Variants in RAPGEF5 observed in about 807,000 individuals in gnomAD.
RAPGEF5 encodes the protein M-Ras-regulated GEF.
A neutral mutation model predicts 125.2 loss-of-function variants in RAPGEF5; 65 were observed. The observed-to-expected ratio is 0.52, with a 90% CI of 0.43 to 0.64. The LOEUF (loss-of-function observed/expected upper bound fraction) is 0.64, where lower values mean the gene tolerates loss of function less well. RAPGEF5 is among the 30% of genes least tolerant of loss of function. The pLI is 0.00. For missense variants in RAPGEF5, 958 were observed against 1,048.1 expected, an observed-to-expected ratio of 0.91 and a Z score of 1.19; for synonymous variants, 391 against 385.9, an observed-to-expected ratio of 1.01 and a Z score of -0.16.
intron 5 of RAPGEF5, among the ~76,000 whole-genome samples, chr7:22,300,885 A>G (rs1783181997): frequency 6.6e-6 from 1 of 152,210 alleles, no homozygotes; most frequent in Non-Finnish European, 1.5e-5. Context: ...TCAAAACTAC[A>G]GGGACCCATT....
In RAPGEF5 at chr7:22,141,379, C is replaced by G. The variant is rs1583403197; in HGVS notation, c.2187-1264G>C. ...CAAACCGCTGTCTCCTAAAGCTATA[C>G]TGATTCCCAGCTGCATACATAGTGT... On this transcript the variant is annotated intron_variant, in intron 20 of 25. Coordinates refer to ENST00000665637, the MANE Select transcript of RAPGEF5 (RefSeq NM_012294.5). 2.6e-5 allele frequency among the ~76,000 whole-genome samples: 4 copies of G among 152,310 alleles called. No individual in the cohort carries two copies. The South Asian group carries it at 8.3e-4, about 32-fold the overall frequency.
chr7:22,121,326 G>C lies in RAPGEF5; in HGVS notation c.*1080C>G, dbSNP rs1782577317. 6.6e-6 allele frequency: 1 copy of C among 151,696 alleles called. No individual in the cohort carries two copies. The highest frequency in any genetic ancestry group is 2.1e-4 in the South Asian group (1 of 4,804). 9.4% of individuals were successfully genotyped at this position (151,696 alleles called of 1,614,324 possible). ...GTTGCCAACATTAATCAGACATTTG[G>C]CTATTTCAGGGCATTTTTCATTTGC... On this transcript the variant is annotated 3_prime_UTR_variant, in exon 26 of 26. Transcript: ENST00000665637.
intron 1 of RAPGEF5, among the ~76,000 whole-genome samples, chr7:22,335,627 G>GGGA (rs947208056): frequency 4.6e-5 from 7 of 151,172 alleles, no homozygotes; most frequent in African/African-American, 1.7e-4. Context: ...CTAGGGTGGG[G>GGGA]GGACACACAG....
chr7:22,194,265 TA>T (rs1471558471), intron 9 of RAPGEF5, among the ~76,000 whole-genome samples: 1 of 152,290 alleles, frequency 6.6e-6, no homozygotes, highest in African/African-American at 2.4e-5. Context: ...ATAAATACTT[TA>T]AAGGAAATAG....
At chr7:22,184,105 A>G (rs1784757958) in intron 11 of RAPGEF5, among the ~76,000 whole-genome samples, 1 of 152,224 alleles carries the variant, frequency 6.6e-6, no homozygotes, top group Non-Finnish European at 1.5e-5. Flanking sequence ...CAAAAGCCAC[A>G]TCTGCGAAGC....
chr7:22,126,378 G>A (rs1021330490), intron 24 of RAPGEF5, among the ~76,000 whole-genome samples: 2 of 152,220 alleles, frequency 1.3e-5, no homozygotes, highest in South Asian at 2.1e-4. Flanking sequence ...ACTGCTCTTC[G>A]TACAGCACCT....
chr7:22,320,136 A>G (rs184407830), intron 1 of RAPGEF5, among the ~76,000 whole-genome samples: 4 of 152,284 alleles, frequency 2.6e-5, no homozygotes, highest in Non-Finnish European at 5.9e-5. Flanking sequence ...ACAGGACACA[A>G]TTCCTAGGTT....
intron 7 of RAPGEF5, among the ~76,000 whole-genome samples, chr7:22,258,496 T>G (rs567752829): frequency 1.6e-3 from 237 of 151,998 alleles, no homozygotes; most frequent in African/African-American, 5.5e-3. Flanking sequence ...GGCACCTGCA[T>G]GCCTGCAATC....
At chr7:22,175,512 T>C (rs538325232) in intron 11 of RAPGEF5, among the ~76,000 whole-genome samples, 79 of 152,310 alleles carry the variant, frequency 5.2e-4, no homozygotes, top group African/African-American at 1.8e-3. Context: ...CTGTACAGAT[T>C]AGAATGTGGG....
chr7:22,328,066 T>C (rs150680125), intron 1 of RAPGEF5, among the ~76,000 whole-genome samples: 96 of 152,346 alleles, frequency 6.3e-4, no homozygotes, highest in African/African-American at 2.2e-3. Context: ...TACTAGACCG[T>C]AAGCTTTTCA....
At chr7:22,291,307 G>A in intron 5 of RAPGEF5, 66 bp from the exon 6 acceptor site, 1 of 1,485,260 alleles carries the variant, frequency 6.7e-7, no homozygotes, top group Non-Finnish European at 8.9e-7. Context: ...TACCAAGTTA[G>A]GAAGAATAAA....
chr7:22,307,973 T>C (rs564732995), intron 5 of RAPGEF5, among the ~76,000 whole-genome samples: 14 of 152,202 alleles, frequency 9.2e-5, no homozygotes, highest in African/African-American at 1.9e-4. Flanking sequence ...AAACATTCTG[T>C]TGAGCTCTTA....
At chr7:22,170,993 G>A (rs939996007) in intron 11 of RAPGEF5, among the ~76,000 whole-genome samples, 2 of 151,292 alleles carry the variant, frequency 1.3e-5, no homozygotes, top group African/African-American at 4.9e-5. Context: ...TCTATACAAA[G>A]AGCTTTCCTT....
At chr7:22,160,753 G>C in intron 13 of RAPGEF5, 138 bp from the exon 14 acceptor site, 2 of 1,017,212 alleles carry the variant, frequency 2.0e-6, no homozygotes, top group Non-Finnish European at 2.6e-6. Flanking sequence ...GTGCCAATGA[G>C]ATCCAGAATG....
At chr7:22,263,102 T>C (rs1782195397) in intron 7 of RAPGEF5, among the ~76,000 whole-genome samples, 1 of 152,224 alleles carries the variant, frequency 6.6e-6, no homozygotes, top group South Asian at 2.1e-4. Context: ...TTATATAATA[T>C]TTTTGAAATG....
intron 7 of RAPGEF5, among the ~76,000 whole-genome samples, chr7:22,260,091 A>G (rs1782112621): frequency 6.7e-6 from 1 of 149,600 alleles, no homozygotes; most frequent in Non-Finnish European, 1.5e-5. Context: ...CTCCGTCTCA[A>G]AAAAAAAAAA....
intron 10 of RAPGEF5, 63 bp downstream of exon 10, chr7:22,193,852 G>A: frequency 6.2e-7 from 1 of 1,611,824 alleles, no homozygotes; most frequent in Non-Finnish European, 8.5e-7. Context: ...GCAAGGGAAG[G>A]GAAGGCAGGC....
At chr7:22,159,196 A>G (rs10950895) in intron 14 of RAPGEF5, among the ~76,000 whole-genome samples, 148,699 of 152,278 alleles carry the variant, frequency 0.98, 72,611 homozygotes, top group East Asian at 0.99. Flanking sequence ...TTTTCATATA[A>G]GTCTTAGGCT....
intron 6 of RAPGEF5, among the ~76,000 whole-genome samples, chr7:22,283,582 T>C (rs1038832173): frequency 2.0e-5 from 3 of 152,202 alleles, no homozygotes; most frequent in African/African-American, 7.2e-5. Context: ...TCATGGATCA[T>C]CCTTTTAAAG....
Sources: gnomAD v4.1 joint callset for allele counts (sites outside exome capture counted in the v4.1 genomes callset) on GRCh38, gnomAD v4.1.1 for gene constraint, MANE v1.5 for transcripts, NCBI Gene and HGNC (gene_info 2026-07-23, HGNC 2026-07-21) for gene names.